RASAL1: variants seen among roughly 807,000 people sequenced by gnomAD.
RASAL1 encodes the protein rasGAP-activating-like protein 1.
A neutral mutation model predicts 96.6 loss-of-function variants in RASAL1; 72 were observed. That is an observed-to-expected ratio of 0.75 (90% confidence interval 0.62 to 0.91). The LOEUF is 0.91. RASAL1 is among the 40% of genes least tolerant of loss of function. The pLI, the probability that RASAL1 is intolerant of heterozygous loss-of-function variation, is 0.00. For missense variants in RASAL1, 1,016 were observed against 1,072.5 expected (o/e 0.95, Z 0.74); for synonymous variants, 405 against 430.4 (o/e 0.94, Z 0.73).
At chr12:113,108,034 C>G in intron 14 of RASAL1, 51 bp downstream of exon 14, 1 of 1,563,768 alleles carries the variant, frequency 6.4e-7, no homozygotes. Flanking sequence ...TCCTACCATG[C>G]TTTTTTCCCT....
At chr12:113,118,454 C>G (rs538146070) in intron 7 of RASAL1, among the ~76,000 whole-genome samples, 1 of 152,218 alleles carries the variant, frequency 6.6e-6, no homozygotes, top group Admixed American at 6.5e-5. Context: ...ATGACTAATG[C>G]TGCTATGAAC....
chr12:113,120,073 C>T (rs1483151122), intron 5 of RASAL1, among the ~76,000 whole-genome samples: 1 of 152,126 alleles, frequency 6.6e-6, no homozygotes, highest in Non-Finnish European at 1.5e-5. Flanking sequence ...GTTGCCATGA[C>T]AACCCAAAAG....
In RASAL1 at chr12:113,100,068, C is replaced by T; in HGVS notation, c.2279G>A (p.Gly760Glu). ...CCGGGCCAGGACCTCAGGACAGGCC[C>T]CTAGGAGGGAGACAAGAGGCCACAG... ...NMDTTLEADT[G>E]ACPEVLARQR... The change falls in exon 21 of 21, where the codon GGG becomes GAG. Residue 760 changes from glycine (G) to glutamate (E), a missense_variant and splice_region_variant. Gly to Glu is a moderately conservative substitution (Grantham distance 98, BLOSUM62 -2). Transcript: ENST00000548055. The T allele has an allele frequency of 6.2e-7, 1 of 1,600,950 alleles. No homozygotes were observed. Among genetic ancestry groups the T allele is most frequent in the Non-Finnish European group, 8.5e-7 (1 of 1,172,790 alleles).
intron 13 of RASAL1, among the ~76,000 whole-genome samples, chr12:113,111,310 TACTTTGTGCCAG>T (rs1950858436): frequency 6.6e-6 from 1 of 152,168 alleles, no homozygotes; most frequent in African/African-American, 2.4e-5. Flanking sequence ...AAGAAGCACT[TACTTTGTGCCAG>T]ACTCTATTAT....
Position 113,135,135 on chromosome 12 carries a change from T to C in RASAL1, c.65+263A>G, listed in dbSNP as rs577522239. Among the ~76,000 whole-genome samples, 9 of 151,560 alleles carry C rather than the reference T, an allele frequency of 5.9e-5. No individual in the cohort carries two copies. Among genetic ancestry groups the C allele is most frequent in the African/African-American group, 1.9e-4 (8 of 41,318 alleles). On this transcript the variant is annotated intron_variant, in intron 1 of 20. Coordinates refer to ENST00000548055, the MANE Select transcript of RASAL1 (RefSeq NM_001301202.2). This position sits in a 1 kb window ranked among gnomAD's most constrained non-coding sequence, Gnocchi z 5.7. Reference sequence around the variant, plus strand: ...CTCTTCAGCTCTGGACGACCCCCTTTAGTACATCCCGGGAACAAAGACACC... The same window carrying C: ...CTCTTCAGCTCTGGACGACCCCCTTCAGTACATCCCGGGAACAAAGACACC...
intron 2 of RASAL1, among the ~76,000 whole-genome samples, chr12:113,128,582 G>T (rs1329159454): frequency 6.6e-6 from 1 of 151,262 alleles, no homozygotes; most frequent in African/African-American, 2.4e-5. Flanking sequence ...CACATCTAAG[G>T]TCCCAGATAC....
intron 16 of RASAL1, 69 bp downstream of exon 16, chr12:113,105,645 G>A (rs2136113387): frequency 6.8e-7 from 1 of 1,470,412 alleles, no homozygotes; most frequent in African/African-American, 1.4e-5. Context: ...TTTCCCCCTG[G>A]GTACAAAGAG....
chr12:113,132,598 C>T (rs895654325), intron 1 of RASAL1, among the ~76,000 whole-genome samples: 3 of 152,218 alleles, frequency 2.0e-5, no homozygotes, highest in Admixed American at 2.0e-4. Context: ...CACCTTCTGT[C>T]TCTCCAGTTT....
intron 1 of RASAL1, among the ~76,000 whole-genome samples, chr12:113,132,274 C>T (rs2136273345): frequency 6.6e-6 from 1 of 152,214 alleles, no homozygotes; most frequent in Non-Finnish European, 1.5e-5. Context: ...CAGCCGGCCT[C>T]CCTTATTTCT....
At chr12:113,122,677 A>G (rs1046682638) in intron 4 of RASAL1, among the ~76,000 whole-genome samples, 19 of 152,346 alleles carry the variant, frequency 1.2e-4, no homozygotes, top group Admixed American at 8.5e-4. Context: ...CTGCAGTTTC[A>G]TCACAATGTG....
chr12:113,123,740 T>TAGG (rs1951381241), intron 4 of RASAL1, among the ~76,000 whole-genome samples: 1 of 152,168 alleles, frequency 6.6e-6, no homozygotes, highest in East Asian at 1.9e-4. Flanking sequence ...CCTGCCACCA[T>TAGG]GCCCATCTAA....
At position 113,121,575 on chromosome 12, in the gene RASAL1, C is replaced by G. The variant is rs1640214454; in HGVS notation, c.362G>C (p.Cys121Ser). Residue 121 changes from cysteine to serine, a missense_variant, in exon 5 of 21, where the codon TGC becomes TCC. Coordinates refer to ENST00000548055, the MANE Select transcript of RASAL1 (RefSeq NM_001301202.2). ...DPDAEVQGEI[C>S]LSVQMLEDGQ... The stretch of plus-strand genomic sequence containing the variant: ...ATCCTCCAGCATCTGCACTGACAGG[C>G]AGATCTCACCCTGCACTTCTGCATC... 1 of 1,614,100 alleles carries G rather than the reference C, an allele frequency of 6.2e-7. No individual in the cohort carries two copies. The highest frequency in any genetic ancestry group is 8.5e-7 in the Non-Finnish European group (1 of 1,180,046).
Position 113,130,568 on chromosome 12 carries a change from C to T in RASAL1, c.122+317G>A, listed in dbSNP as rs375618499. Among the ~76,000 whole-genome samples, 15 of 152,302 alleles carry T rather than the reference C, an allele frequency of 9.8e-5. No homozygotes were observed. Among genetic ancestry groups the T allele is most frequent in the Non-Finnish European group, 2.2e-4 (15 of 68,024 alleles). Reference sequence around the variant, plus strand: ...AGACATCCCCAGTGCCCGCAGCACCCGGCAGGCCCGGAACCAACCAGTCCA... The same window carrying T: ...AGACATCCCCAGTGCCCGCAGCACCTGGCAGGCCCGGAACCAACCAGTCCA... On this transcript the variant is annotated intron_variant, in intron 2 of 20. Transcript: ENST00000548055. The surrounding 1 kb of genome is among the most constrained non-coding windows in gnomAD (Gnocchi z 5.1).
intron 1 of RASAL1, among the ~76,000 whole-genome samples, chr12:113,134,485 C>T (rs145400350): frequency 1.5e-4 from 23 of 152,282 alleles, no homozygotes; most frequent in African/African-American, 5.5e-4. Flanking sequence ...CCCCAGGCAA[C>T]CAGATGGGGA....
At chr12:113,128,044 C>A (rs1951556982) in intron 3 of RASAL1, 21 bp downstream of exon 3, 3 of 1,610,610 alleles carry the variant, frequency 1.9e-6, no homozygotes, top group Admixed American at 1.7e-5. Flanking sequence ...CCCACACATT[C>A]CACTTTCCCC....
chr12:113,114,775 G>C (rs1171578265), intron 12 of RASAL1, 25 bp downstream of exon 12: 1 of 1,597,372 alleles, frequency 6.3e-7, no homozygotes, highest in Non-Finnish European at 8.6e-7. Flanking sequence ...CCGTCGGAAG[G>C]TCAGGGTCCT....
At chr12:113,112,359 C>A in intron 12 of RASAL1, 81 bp from the exon 13 acceptor site, 1 of 1,117,308 alleles carries the variant, frequency 9.0e-7, no homozygotes, top group Non-Finnish European at 1.1e-6. Context: ...CGCTGAGCTC[C>A]GAGAGGACTC....
chr12:113,111,413 G>T (rs1418109767), intron 13 of RASAL1, among the ~76,000 whole-genome samples: 2 of 152,086 alleles, frequency 1.3e-5, no homozygotes, highest in Non-Finnish European at 2.9e-5. Flanking sequence ...CTACCTGTGT[G>T]ACTTAAGCTC....
rs746473099 is a variant in RASAL1 at position 113,105,762 on chromosome 12, G to A, written c.1782C>T (p.Val594=). The A allele has an allele frequency of 6.2e-7, 1 of 1,614,026 alleles. No individual in the cohort carries two copies. ...AGGAGAGGGTCTCCCCGCTGAGCCA[G>A]ACGTAGCGCTTCTTGAAGGCAAAGC... The part of the protein sequence containing the change: ...ATRFAFKKRY[V]WLSGETLSFS... Residue 594 remains valine, a synonymous_variant, in exon 16 of 21, where the codon GTC becomes GTT. Coordinates refer to ENST00000548055, the MANE Select transcript of RASAL1 (RefSeq NM_001301202.2).
Sources: allele counts gnomAD v4.1 joint callset (sites outside exome capture counted in the v4.1 genomes callset), GRCh38; gene constraint gnomAD v4.1.1; non-coding constraint Gnocchi (gnomAD v3.1); transcripts MANE v1.5; gene names NCBI Gene and HGNC (gene_info 2026-07-23, HGNC 2026-07-21).